CPSF1: variants seen among roughly 807,000 people sequenced by gnomAD.
CPSF1 encodes the protein cleavage and polyadenylation specificity factor subunit 1.
A neutral mutation model predicts 175.8 loss-of-function variants in CPSF1; 106 were observed. That is an observed-to-expected ratio of 0.60 (90% CI 0.52 to 0.71). The LOEUF is 0.71. Among genes scored for constraint, CPSF1 ranks in the 30% least tolerant of loss-of-function variants. The pLI is 0.00. For synonymous variants in CPSF1, 1,024 were observed against 858.3 expected (o/e 1.19, Z -3.37); for missense variants, 1,734 against 2,022.9 (o/e 0.86, Z 2.74).
chr8:144,407,694 G>A (rs183370632), intron 2 of CPSF1, among the ~76,000 whole-genome samples: 474 of 152,014 alleles, frequency 3.1e-3, no homozygotes, highest in Admixed American at 5.0e-3. Flanking sequence ...GCAAGACTCC[G>A]TCTCACCAGG....
rs1820438686 is a variant in CPSF1, at chr8:144,393,363, G to A, written c.4287C>T (p.Ile1429=). Residue 1429 remains isoleucine, a splice_region_variant and synonymous_variant, in exon 38 of 38, where the codon ATC becomes ATT. Coordinates refer to ENST00000616140, the MANE Select transcript of CPSF1 (RefSeq NM_013291.3). The part of the protein sequence containing the change: ...AKKIGTTPDI[I]LDDLLETDRV... ...GGTCCGTCTCCAGCAAGTCGTCCAG[G>A]ATCTGCAGGGGATGGAAGGGTGGGT... The A allele has an allele frequency of 5.3e-6, 8 of 1,501,876 alleles. No individual in the cohort carries two copies. Among genetic ancestry groups the A allele is most frequent in the African/African-American group, 2.8e-5 (2 of 71,252 alleles). The allele number at this position is 1,501,876 out of a possible 1,614,324, so 93.0% of individuals were successfully genotyped here.
chr8:144,400,135 G>GGGGGGCGCCCCCCCCCCC, intron 9 of CPSF1, 31 bp downstream of exon 9: 1 of 896,010 alleles, frequency 1.1e-6, no homozygotes, highest in Non-Finnish European at 1.6e-6. Context: ...CCGTCCCCGG[G>GGGGGGCGCCCCCCCCCCC]CCCCCCCCGC....
At chr8:144,405,543 G>A (rs1419533429) in intron 2 of CPSF1, among the ~76,000 whole-genome samples, 1 of 152,134 alleles carries the variant, frequency 6.6e-6, no homozygotes, top group Non-Finnish European at 1.5e-5. Flanking sequence ...AGAACTGCTT[G>A]AACCCGGGAG....
At position 144,398,148 on chromosome 8, in the gene CPSF1, A is replaced by T; in HGVS notation, c.1895-16T>A. On this transcript the variant is annotated splice_polypyrimidine_tract_variant and intron_variant, in intron 19 of 37. Coordinates refer to ENST00000616140, the MANE Select transcript of CPSF1 (RefSeq NM_013291.3). Reference sequence around the variant, plus strand: ...AGCTGATTCACTGTAGGCATGGGGCAGTCAGCATGCGCCTCCCCACCACCG... The same window carrying T: ...AGCTGATTCACTGTAGGCATGGGGCTGTCAGCATGCGCCTCCCCACCACCG... 6.5e-7 allele frequency: 1 copy of T among 1,536,256 alleles called. No homozygotes were observed. The highest frequency in any genetic ancestry group is 8.8e-7 in the Non-Finnish European group (1 of 1,139,356).
chr8:144,407,216 C>G (rs1157234897), intron 2 of CPSF1, among the ~76,000 whole-genome samples: 2 of 149,334 alleles, frequency 1.3e-5, no homozygotes, highest in Non-Finnish European at 3.0e-5. Context: ...ACGTGCCTGG[C>G]CTTTTTTTTT....
Position 144,397,537 on chromosome 8 carries a change from C to A in CPSF1, c.2335G>T (p.Ala779Ser). 1 of 1,572,056 alleles carries A rather than the reference C, an allele frequency of 6.4e-7. No individual in the cohort carries two copies. The highest frequency in any genetic ancestry group is 8.7e-7 in the Non-Finnish European group (1 of 1,153,574). ...PADRDPAPFR[A>S]EPTHWCLLVR... ...AGCAGGCACCAGTGGGTAGGCTCTG[C>A]CCGGAAGGGTGCAGGGTCCCGGTCA... The change falls in exon 22 of 38, where the codon GCA becomes TCA. Residue 779 changes from alanine to serine, a missense_variant. Ala to Ser is a moderately conservative substitution (Grantham distance 99). This residue lies in a region of CPSF1 where 585 missense variants were observed against 584.7 expected (regional missense o/e 1.00). Coordinates refer to ENST00000616140, the MANE Select transcript of CPSF1 (RefSeq NM_013291.3).
At chr8:144,407,172 C>T (rs994579222) in intron 2 of CPSF1, among the ~76,000 whole-genome samples, 1 of 151,812 alleles carries the variant, frequency 6.6e-6, no homozygotes, top group African/African-American at 2.4e-5. Flanking sequence ...CCTGCCTCGG[C>T]CTCCCAAAGC....
chr8:144,393,932 C>T lies in CPSF1; in HGVS notation c.3966G>A (p.Gly1322=). The part of the protein sequence containing the change: ...WRTPCRGATE[G]LSKKSVVWEN... ...CCCACACGACCGACTTTTTGCTGAG[C>T]CCTTCAGTGGCCCCCCGGCACGGGG... The change falls in exon 35 of 38, where the codon GGG becomes GGA. Residue 1322 remains glycine, a synonymous_variant. Coordinates refer to ENST00000616140, the MANE Select transcript of CPSF1 (RefSeq NM_013291.3). 2 of 1,613,576 alleles carry T rather than the reference C, an allele frequency of 1.2e-6. No homozygotes were observed. Among genetic ancestry groups the T allele is most frequent in the Non-Finnish European group, 1.7e-6 (2 of 1,179,824 alleles).
Position 144,397,613 on chromosome 8 carries a change from G to A in CPSF1, c.2259C>T (p.Ser753=), listed in dbSNP as rs2130767533. 2 of 1,534,772 alleles carry A rather than the reference G, an allele frequency of 1.3e-6. No individual in the cohort carries two copies. Among genetic ancestry groups the A allele is most frequent in the East Asian group, 2.3e-5 (1 of 43,972 alleles). The change falls in exon 22 of 38, where the codon TCC becomes TCT. Residue 753 remains serine (S), a synonymous_variant. Coordinates refer to ENST00000616140, the MANE Select transcript of CPSF1 (RefSeq NM_013291.3). The part of the protein sequence containing the change: ...EEEMLYGDSG[S]LFSPSKEEAR... ...CCTCCTCCTTGCTGGGGCTGAAGAG[G>A]GAGCCCGAATCCCCATACAGCATCT...
At chr8:144,394,608 G>A (rs1554862870) in intron 31 of CPSF1, 36 bp downstream of exon 31, 2 of 1,601,688 alleles carry the variant, frequency 1.2e-6, no homozygotes, top group African/African-American at 2.7e-5. Flanking sequence ...GGGTGAGGGT[G>A]AGCCGGGGGA....
chr8:144,402,600 G>A (rs1821280942), intron 2 of CPSF1, among the ~76,000 whole-genome samples: 1 of 152,120 alleles, frequency 6.6e-6, no homozygotes, highest in Non-Finnish European at 1.5e-5. Context: ...CCACCTCAAG[G>A]TCATTTTTCA....
intron 2 of CPSF1, among the ~76,000 whole-genome samples, chr8:144,404,211 G>C (rs970922768): frequency 6.6e-6 from 1 of 151,892 alleles, no homozygotes; most frequent in African/African-American, 2.4e-5. Context: ...GGACAAGAGA[G>C]AGACTTGGTC....
rs2116862757 is a variant in CPSF1 at position 144,399,452 on chromosome 8, C to A, written c.1294G>T (p.Ala432Ser). The A allele has an allele frequency of 2.5e-6, 4 of 1,612,850 alleles. No individual in the cohort carries two copies. In the African/African-American group the frequency reaches 5.3e-5, roughly 22 times the overall value. The change falls in exon 13 of 38, where the codon GCT becomes TCT. Residue 432 changes from alanine to serine, a missense_variant and splice_region_variant. Physicochemically the swap from Ala to Ser is moderately conservative, Grantham distance 99. Transcript: ENST00000616140. The surrounding 1 kb of genome is among the most constrained non-coding windows in gnomAD (Gnocchi z 6.4). Reference sequence around the variant, plus strand: ...TGACCAGCCCTGGACCGGCCCTCACCTGACCAGCCGGCCGTCGCATCCACT... The same window carrying A: ...TGACCAGCCCTGGACCGGCCCTCACATGACCAGCCGGCCGTCGCATCCACT... ...KRVDATAGWS[A>S]AGKSVPQDEV...
intron 2 of CPSF1, among the ~76,000 whole-genome samples, chr8:144,403,795 C>G (rs2116895985): frequency 1.3e-4 from 20 of 151,822 alleles, no homozygotes; most frequent in African/African-American, 3.9e-4. Context: ...GGTGATCCAC[C>G]CACCTTGGCC....
At chr8:144,394,067 C>T (rs1554862556) in intron 34 of CPSF1, 29 bp from the exon 35 acceptor site, 2 of 1,610,758 alleles carry the variant, frequency 1.2e-6, no homozygotes, top group Admixed American at 1.7e-5. Flanking sequence ...GGGGTCACTG[C>T]TAGCCCAGCC....
rs1820472554 is a variant in CPSF1 at position 144,393,563 on chromosome 8, G to C, written c.4173C>G (p.Leu1391=). The C allele has an allele frequency of 6.2e-7, 1 of 1,605,302 alleles. No homozygotes were observed. The highest frequency in any genetic ancestry group is 1.7e-5 in the Admixed American group (1 of 58,850). The change falls in exon 37 of 38, where the codon CTC becomes CTG. Residue 1391 remains leucine, a synonymous_variant. Coordinates refer to ENST00000616140, the MANE Select transcript of CPSF1 (RefSeq NM_013291.3). The part of the protein sequence containing the change: ...FRMLHVDRRT[L]QNAVRNVLDG... ...CCAGCACGTTGCGCACGGCATTCTG[G>C]AGGGTGCGGCGGTCCACGTGCAGCA...
chr8:144,394,887 C>T lies in CPSF1; in HGVS notation c.3409G>A (p.Gly1137Arg). 1.2e-6 allele frequency: 2 copies of T among 1,611,950 alleles called. No homozygotes were observed. Among genetic ancestry groups the T allele is most frequent in the Non-Finnish European group, 1.7e-6 (2 of 1,179,380 alleles). ...LMQGEEVTCR[G>R]RILIMDVIEV... ...CCCGCTCACTGGCCCCTTACCCGCCCTCGGCACGTGACCTCCTCCCCCTGC... is the reference window on the plus strand; with the variant it reads ...CCCGCTCACTGGCCCCTTACCCGCCTTCGGCACGTGACCTCCTCCCCCTGC... The change falls in exon 30 of 38, where the codon GGG becomes AGG. Residue 1137 changes from glycine to arginine, a missense_variant. Transcript: ENST00000616140.
chr8:144,401,612 C>T, intron 3 of CPSF1, 34 bp downstream of exon 3: 14 of 1,612,144 alleles, frequency 8.7e-6, no homozygotes, highest in Non-Finnish European at 1.2e-5. Flanking sequence ...ATGCCTGGCA[C>T]CCGCACAGCC....
Position 144,398,589 on chromosome 8 carries a change from G to A in CPSF1, c.1688C>T (p.Pro563Leu), listed in dbSNP as rs2116852670. 1.2e-6 allele frequency: 2 copies of A among 1,613,944 alleles called. No individual in the cohort carries two copies. Among genetic ancestry groups the A allele is most frequent in the South Asian group, 1.1e-5 (1 of 91,088 alleles). ...EGTEQEPSTT[P>L]EADDDGRRHG... ...TCTGCGGCCGTCGTCGTCTGCTTCA[G>A]GGGTGGTGCTGGGTTCCTGCTCTGT... Residue 563 changes from proline to leucine, a missense_variant, in exon 18 of 38, where the codon CCT (proline) becomes CTT (leucine). Transcript: ENST00000616140.
Sources: gnomAD v4.1 joint callset for allele counts (sites outside exome capture counted in the v4.1 genomes callset) on GRCh38, gnomAD v4.1.1 for gene constraint, gnomAD v4.1.1 regional missense constraint, Gnocchi (gnomAD v3.1) non-coding constraint, MANE v1.5 for transcripts, NCBI Gene and HGNC (gene_info 2026-07-23, HGNC 2026-07-21) for gene names.